KAZN: variants seen among roughly 807,000 people sequenced by gnomAD.
KAZN encodes kazrin, periplakin interacting protein.
A neutral mutation model predicts 87.4 loss-of-function variants in KAZN; 40 were observed. The observed-to-expected ratio is 0.46, with a 90% CI of 0.36 to 0.60. The LOEUF is 0.60. KAZN is among the 20% of genes least tolerant of loss of function. The pLI, the probability that KAZN is intolerant of heterozygous loss-of-function variation, is 0.00. For synonymous variants in KAZN, 466 were observed against 458.3 expected, an observed-to-expected ratio of 1.02 and a Z score of -0.22; for missense variants, 898 against 1,073.9, an observed-to-expected ratio of 0.84 and a Z score of 2.29.
rs188379261 is a variant in KAZN at position 13,919,970 on chromosome 1, T to A, written c.91+26214T>A. Among the ~76,000 whole-genome samples, 281 of 152,324 alleles carry A rather than the reference T, an allele frequency of 1.8e-3. 2 individuals are homozygous for A. In the Middle Eastern group the frequency reaches 0.024, roughly 13 times the overall value. On this transcript the variant is annotated intron_variant, in intron 1 of 16. Coordinates refer to the KAZN transcript ENST00000636203. Reference sequence around the variant, plus strand: ...GGGTCATGATTCTTCCTTTTCTGTATGAATATCCTATTGACCCAGAGCCAT... The same window carrying A: ...GGGTCATGATTCTTCCTTTTCTGTAAGAATATCCTATTGACCCAGAGCCAT...
intron 1 of KAZN, among the ~76,000 whole-genome samples, chr1:14,898,317 A>G (rs924626672): frequency 6.6e-6 from 1 of 152,210 alleles, no homozygotes; most frequent in Non-Finnish European, 1.5e-5. Flanking sequence ...GGAAGATGAA[A>G]CAGAACTGTC....
chr1:14,444,366 G>A (rs1393994954), intron 2 of KAZN, among the ~76,000 whole-genome samples: 1 of 138,088 alleles, frequency 7.2e-6, no homozygotes, highest in African/African-American at 2.8e-5. Context: ...AGGCTGGAGT[G>A]CAATGGCACA....
intron 1 of KAZN, among the ~76,000 whole-genome samples, chr1:14,948,278 G>GTGTGA (rs1480847356): frequency 5.9e-5 from 9 of 152,222 alleles, no homozygotes; most frequent in Non-Finnish European, 1.0e-4. Context: ...TTCAGGTGTG[G>GTGTGA]TGTGATCCAG....
At position 14,539,097 on chromosome 1, in the gene KAZN, C is replaced by G. The variant is rs192104420; in HGVS notation, c.250-59886C>G. 5.4e-3 allele frequency among the ~76,000 whole-genome samples: 821 copies of G among 152,280 alleles called. 8 individuals are homozygous for G. Among genetic ancestry groups the G allele is most frequent in the African/African-American group, 0.019 (774 of 41,556 alleles). On this transcript the variant is annotated intron_variant, in intron 2 of 16. Coordinates refer to the KAZN transcript ENST00000636203. ...CTGGCTTAAAGCATTAAGTCCCATT[C>G]CTCTATTTCCCCCAAAATGAAACTA...
intron 2 of KAZN, among the ~76,000 whole-genome samples, chr1:14,321,592 G>A (rs1345849813): frequency 1.3e-5 from 2 of 152,120 alleles, no homozygotes; most frequent in African/African-American, 4.8e-5. Flanking sequence ...CTAGCCAGCT[G>A]TGCAGTCAGT....
chr1:14,430,062 G>C (rs1225868364), intron 2 of KAZN, among the ~76,000 whole-genome samples: 1 of 151,970 alleles, frequency 6.6e-6, no homozygotes, highest in Non-Finnish European at 1.5e-5. Flanking sequence ...CTTTGCAGAG[G>C]TCATTCCTTC....
chr1:14,625,835 G>A (rs899492590), intron 1 of KAZN, among the ~76,000 whole-genome samples: 5 of 152,204 alleles, frequency 3.3e-5, no homozygotes, highest in Non-Finnish European at 5.9e-5. Flanking sequence ...GAAACGAGAG[G>A]TTGTGGGAAG....
At chr1:14,412,085 A>T (rs1236333040) in intron 2 of KAZN, among the ~76,000 whole-genome samples, 1 of 152,150 alleles carries the variant, frequency 6.6e-6, no homozygotes, top group African/African-American at 2.4e-5. Flanking sequence ...CTGTAACTTG[A>T]TGTTCATTCT....
chr1:14,564,499 A>G (rs1170416578), intron 2 of KAZN, among the ~76,000 whole-genome samples: 1 of 152,064 alleles, frequency 6.6e-6, no homozygotes, highest in East Asian at 1.9e-4. Context: ...TATGAACTAA[A>G]TGGGTGAATG....
intron 1 of KAZN, among the ~76,000 whole-genome samples, chr1:14,102,164 T>G (rs1349123530): frequency 6.6e-6 from 1 of 152,136 alleles, no homozygotes; most frequent in Admixed American, 6.5e-5. Context: ...CAGTTTCAAC[T>G]ACACAAAATC....
At chr1:15,029,832 C>G (rs1186542067) in intron 2 of KAZN, among the ~76,000 whole-genome samples, 1 of 152,206 alleles carries the variant, frequency 6.6e-6, no homozygotes, top group Non-Finnish European at 1.5e-5. Flanking sequence ...CGGTGTAAAT[C>G]CCCCAGGGAG....
intron 1 of KAZN, among the ~76,000 whole-genome samples, chr1:14,833,466 G>T (rs1426469267): frequency 6.6e-6 from 1 of 152,200 alleles, no homozygotes; most frequent in Non-Finnish European, 1.5e-5. Flanking sequence ...AGGGTACATT[G>T]TTGAGCAGTC....
At chr1:14,181,840 C>G (rs1333075854) in intron 2 of KAZN, among the ~76,000 whole-genome samples, 4 of 152,118 alleles carry the variant, frequency 2.6e-5, no homozygotes, top group African/African-American at 4.8e-5. Flanking sequence ...CTCGAAATGC[C>G]TGGTCCCAAT....
At chr1:14,307,970 C>T (rs544561498) in intron 2 of KAZN, among the ~76,000 whole-genome samples, 10 of 152,174 alleles carry the variant, frequency 6.6e-5, no homozygotes, top group Non-Finnish European at 1.2e-4. Context: ...GCTGAGGATA[C>T]AACATCATTC....
At chr1:14,227,913 G>A (rs1304147592) in intron 2 of KAZN, among the ~76,000 whole-genome samples, 4 of 152,234 alleles carry the variant, frequency 2.6e-5, no homozygotes, top group Admixed American at 2.0e-4. Context: ...TTTGAAAGTT[G>A]TGTGAGACTC....
intron 1 of KAZN, among the ~76,000 whole-genome samples, chr1:14,883,409 A>AAGAAAGAAAGAAAGAAAGAAAG (rs1653688997): frequency 6.8e-6 from 1 of 146,490 alleles, no homozygotes; most frequent in African/African-American, 2.7e-5. Flanking sequence ...GAAAGAAAGA[A>AAGAAAGAAAGAAAGAAAGAAAG]AGAAAGAAAG....
chr1:14,250,498 T>C (rs1366910955), intron 2 of KAZN, among the ~76,000 whole-genome samples: 2 of 150,588 alleles, frequency 1.3e-5, no homozygotes, highest in Non-Finnish European at 3.0e-5. Context: ...AGATAAAAGA[T>C]GGAAAAGAAA....
intron 1 of KAZN, among the ~76,000 whole-genome samples, chr1:14,783,644 T>A (rs780453082): frequency 6.6e-6 from 1 of 152,170 alleles, no homozygotes; most frequent in Non-Finnish European, 1.5e-5. Flanking sequence ...CTTAGCCATC[T>A]GGGTATGGAG....
chr1:14,905,728 C>G (rs1473061683), intron 1 of KAZN, among the ~76,000 whole-genome samples: 1 of 151,084 alleles, frequency 6.6e-6, no homozygotes, highest in Non-Finnish European at 1.5e-5. Context: ...CCTGTAATCC[C>G]GGCTACTCGG....
Sources: gnomAD v4.1 joint callset for allele counts (sites outside exome capture counted in the v4.1 genomes callset) on GRCh38, gnomAD v4.1.1 for gene constraint, MANE v1.5 for transcripts, NCBI Gene and HGNC (gene_info 2026-07-23, HGNC 2026-07-21) for gene names.